Variants in LIMCH1 observed in about 807,000 individuals in gnomAD.
The protein encoded by LIMCH1 is LIM and calponin homology domains-containing protein 1.
LIMCH1 carries 113 observed loss-of-function variants against 176.5 expected under a neutral mutation model. The observed-to-expected ratio is 0.64, with a 90% CI of 0.55 to 0.75. The LOEUF (loss-of-function observed/expected upper bound fraction) is 0.75, where lower values mean the gene tolerates loss of function less well. Ranked by LOEUF, LIMCH1 falls within the 30% of genes least tolerant of loss-of-function variation. LIMCH1 has a pLI of 0.00. For missense variants in LIMCH1, 1,674 were observed against 1,814.9 expected, an observed-to-expected ratio of 0.92 and a Z score of 1.41; for synonymous variants, 619 against 645.9, an observed-to-expected ratio of 0.96 and a Z score of 0.63.
intron 7 of LIMCH1, among the ~76,000 whole-genome samples, chr4:41,621,913 T>C (rs1255112717): frequency 6.6e-6 from 1 of 152,082 alleles, no homozygotes; most frequent in Non-Finnish European, 1.5e-5. Flanking sequence ...ATTTATGTGG[T>C]CCAGGTCTTA....
intron 2 of LIMCH1, among the ~76,000 whole-genome samples, chr4:41,512,907 T>C (rs1389056112): frequency 6.6e-6 from 1 of 152,232 alleles, no homozygotes; most frequent in Non-Finnish European, 1.5e-5. Context: ...GAATTGTATC[T>C]CAAGTCATTA....
chr4:41,397,902 C>T (rs1407870243), intron 1 of LIMCH1, among the ~76,000 whole-genome samples: 1 of 151,932 alleles, frequency 6.6e-6, no homozygotes, highest in Non-Finnish European at 1.5e-5. Flanking sequence ...TGGTGAATTA[C>T]AATTTTTATA....
chr4:41,515,591 T>G (rs1432546631), intron 2 of LIMCH1, among the ~76,000 whole-genome samples: 2 of 152,248 alleles, frequency 1.3e-5, no homozygotes, highest in Non-Finnish European at 2.9e-5. Context: ...ACATGCATTG[T>G]TTTACTTATT....
intron 1 of LIMCH1, among the ~76,000 whole-genome samples, chr4:41,373,596 C>G (rs1028736452): frequency 6.6e-6 from 1 of 152,242 alleles, no homozygotes; most frequent in Admixed American, 6.5e-5. Flanking sequence ...GACTTTTCAA[C>G]CATCCTATGA....
intron 1 of LIMCH1, among the ~76,000 whole-genome samples, chr4:41,476,489 C>T (rs182187573): frequency 5.5e-4 from 83 of 152,270 alleles, no homozygotes; most frequent in Non-Finnish European, 8.4e-4. Context: ...CTGCCTCTGG[C>T]GGGGCAACAC....
chr4:41,581,112 G>GTCTT (rs577625607), intron 1 of LIMCH1, among the ~76,000 whole-genome samples: 1 of 132,900 alleles, frequency 7.5e-6, no homozygotes, highest in Non-Finnish European at 1.6e-5. Flanking sequence ...CTGTCTGTCT[G>GTCTT]TCTATCTATC....
chr4:41,509,511 T>C (rs1346977997), intron 2 of LIMCH1, among the ~76,000 whole-genome samples: 1 of 152,210 alleles, frequency 6.6e-6, no homozygotes, highest in Non-Finnish European at 1.5e-5. Flanking sequence ...CAAATCACAA[T>C]TGGCCACGCT....
chr4:41,411,763 A>G (rs1440438919), intron 1 of LIMCH1, among the ~76,000 whole-genome samples: 1 of 151,866 alleles, frequency 6.6e-6, no homozygotes, highest in African/African-American at 2.4e-5. Flanking sequence ...GTTCAAGACC[A>G]GCCTGGCCAA....
At chr4:41,564,421 A>G (rs762985053) in intron 1 of LIMCH1, among the ~76,000 whole-genome samples, 1 of 152,210 alleles carries the variant, frequency 6.6e-6, no homozygotes, top group Non-Finnish European at 1.5e-5. Context: ...ATTTGGGAAC[A>G]TTTATTTAGT....
intron 14 of LIMCH1, 141 bp downstream of exon 14, chr4:41,639,108 G>A (rs1186384044): frequency 7.8e-6 from 5 of 644,290 alleles, no homozygotes; most frequent in African/African-American, 1.9e-5. Context: ...CTTGAAGTTG[G>A]AATGCAGAGC....
intron 2 of LIMCH1, among the ~76,000 whole-genome samples, chr4:41,508,100 A>G (rs756815653): frequency 2.6e-5 from 4 of 152,186 alleles, no homozygotes; most frequent in Admixed American, 6.5e-5. Context: ...GAGGAATTGC[A>G]GGTAGACTTG....
chr4:41,525,783 G>A (rs1366787320), intron 3 of LIMCH1, among the ~76,000 whole-genome samples: 1 of 151,964 alleles, frequency 6.6e-6, no homozygotes, highest in Non-Finnish European at 1.5e-5. Context: ...AAAACATTTA[G>A]TAAATTCACC....
chr4:41,407,138 C>T (rs1055094165), intron 1 of LIMCH1, among the ~76,000 whole-genome samples: 5 of 151,870 alleles, frequency 3.3e-5, no homozygotes, highest in Non-Finnish European at 7.4e-5. Flanking sequence ...AATAAGGAGG[C>T]TTTGTGTTGG....
chr4:41,472,664 C>A (rs974489394), intron 1 of LIMCH1, among the ~76,000 whole-genome samples: 1 of 152,102 alleles, frequency 6.6e-6, no homozygotes, highest in Non-Finnish European at 1.5e-5. Flanking sequence ...AGCGATCGCC[C>A]ACCTTGGCCT....
chr4:41,678,621 C>A (rs1031341714), intron 23 of LIMCH1, among the ~76,000 whole-genome samples: 4 of 152,142 alleles, frequency 2.6e-5, no homozygotes, highest in African/African-American at 9.7e-5. Flanking sequence ...CAGAGGCGGG[C>A]ACCAGGCCTT....
chr4:41,447,364 C>G (rs1458256801), intron 1 of LIMCH1, among the ~76,000 whole-genome samples: 1 of 152,208 alleles, frequency 6.6e-6, no homozygotes, highest in African/African-American at 2.4e-5. Flanking sequence ...ATATCTGCTT[C>G]TTTAACAGGA....
At chr4:41,365,101 G>C (rs1485262211) in intron 1 of LIMCH1, among the ~76,000 whole-genome samples, 1 of 152,222 alleles carries the variant, frequency 6.6e-6, no homozygotes, top group Non-Finnish European at 1.5e-5. Context: ...TTTGGAACAG[G>C]TTCCCAGGCC....
At chr4:41,490,709 CTCTT>C (rs1311511979) in intron 1 of LIMCH1, among the ~76,000 whole-genome samples, 3 of 152,212 alleles carry the variant, frequency 2.0e-5, no homozygotes, top group Admixed American at 6.5e-5. Flanking sequence ...AATCTGATCT[CTCTT>C]TCTTTTCCCC....
intron 1 of LIMCH1, among the ~76,000 whole-genome samples, chr4:41,362,512 G>C (rs2052286256): frequency 6.6e-6 from 1 of 152,164 alleles, no homozygotes; most frequent in South Asian, 2.1e-4. Context: ...GAGAGACTTC[G>C]AGTGTGGGTG....
Sources: allele counts gnomAD v4.1 joint callset (sites outside exome capture counted in the v4.1 genomes callset), GRCh38; gene constraint gnomAD v4.1.1; transcripts MANE v1.5; gene names NCBI Gene and HGNC (gene_info 2026-07-23, HGNC 2026-07-21).